The following PCSK6 variants were observed in gnomAD, a reference collection of about 807,000 sequenced individuals.
The protein encoded by PCSK6 is paired basic amino acid cleaving enzyme 4.
A neutral mutation model predicts 123.3 loss-of-function variants in PCSK6; 85 were observed. The observed-to-expected ratio is 0.69, with a 90% CI of 0.58 to 0.83. The LOEUF (loss-of-function observed/expected upper bound fraction) is 0.83. Among genes scored for constraint, PCSK6 ranks in the 40% least tolerant of loss-of-function variants. The pLI is 0.00. For synonymous variants in PCSK6, 508 were observed against 516.0 expected, an observed-to-expected ratio of 0.98 and a Z score of 0.21; for missense variants, 1,191 against 1,282.3, an observed-to-expected ratio of 0.93 and a Z score of 1.09.
intron 10 of PCSK6, 159 bp downstream of exon 10, chr15:101,384,163 A>G (rs2041990687): frequency 7.0e-7 from 1 of 1,425,512 alleles, no homozygotes; most frequent in Middle Eastern, 2.0e-4. Flanking sequence ...CTTCCGGGAT[A>G]CTTTTCTTAA....
At chr15:101,451,858 C>T (rs546153485) in intron 1 of PCSK6, among the ~76,000 whole-genome samples, 11 of 152,080 alleles carry the variant, frequency 7.2e-5, no homozygotes, top group East Asian at 3.9e-4. Context: ...TAGTGACTTC[C>T]GCCTGAAAAA....
chr15:101,400,928 A>C lies in PCSK6; in HGVS notation c.824-2352T>G, dbSNP rs183904521. Reference sequence around the variant, plus strand: ...AGGTTTCCCTAAGGTTTTCCCCTTAATATATGCCCTGAAATTTCCCAGGCA... The same window carrying C: ...AGGTTTCCCTAAGGTTTTCCCCTTACTATATGCCCTGAAATTTCCCAGGCA... On this transcript the variant is annotated intron_variant, in intron 6 of 21. Transcript: ENST00000611716. 4.2e-3 allele frequency among the ~76,000 whole-genome samples: 640 copies of C among 152,292 alleles called. 8 individuals carry two copies. The highest frequency in any genetic ancestry group is 0.013 in the African/African-American group (552 of 41,538).
chr15:101,354,099 C>T (rs564767738), intron 13 of PCSK6, among the ~76,000 whole-genome samples: 41 of 152,218 alleles, frequency 2.7e-4, no homozygotes, highest in African/African-American at 6.7e-4. Context: ...AGAAGCAGGC[C>T]GCTCTAGAGC....
chr15:101,309,937 C>T (rs2039815625), intron 20 of PCSK6, among the ~76,000 whole-genome samples: 1 of 152,254 alleles, frequency 6.6e-6, no homozygotes, highest in African/African-American at 2.4e-5. Context: ...CGGGCCTCGG[C>T]TTCCACCTGC....
intron 1 of PCSK6, among the ~76,000 whole-genome samples, chr15:101,455,273 A>G (rs2057149866): frequency 3.3e-5 from 5 of 152,224 alleles, no homozygotes; most frequent in Admixed American, 3.3e-4. Context: ...TGGAGGCCTG[A>G]GAGGGAGAAG....
intron 15 of PCSK6, among the ~76,000 whole-genome samples, chr15:101,328,372 CG>C (rs2141365895): frequency 6.6e-6 from 1 of 152,260 alleles, no homozygotes; most frequent in Non-Finnish European, 1.5e-5. Flanking sequence ...GAATGGGAGA[CG>C]GGCGGGCAGG....
chr15:101,390,115 G>A (rs567187421), intron 8 of PCSK6, among the ~76,000 whole-genome samples: 1 of 74,092 alleles, frequency 1.3e-5, no homozygotes. Context: ...TCCTGAAGAA[G>A]CAGATCAACC....
At chr15:101,467,364 C>T (rs1360909944) in intron 1 of PCSK6, among the ~76,000 whole-genome samples, 1 of 152,010 alleles carries the variant, frequency 6.6e-6, no homozygotes, top group Non-Finnish European at 1.5e-5. Context: ...CCTCTGCCTC[C>T]CAGTTCAAGC....
intron 1 of PCSK6, among the ~76,000 whole-genome samples, chr15:101,464,148 C>G (rs1303276815): frequency 6.6e-6 from 1 of 152,108 alleles, no homozygotes; most frequent in East Asian, 1.9e-4. Context: ...CAAAGCCTTC[C>G]CAGGCTGCTC....
intron 8 of PCSK6, among the ~76,000 whole-genome samples, chr15:101,392,891 C>T (rs1405197019): frequency 6.6e-6 from 1 of 152,092 alleles, no homozygotes; most frequent in African/African-American, 2.4e-5. Flanking sequence ...AGACATGTGA[C>T]CACAGAATTT....
rs149902723 is a variant in PCSK6, at chr15:101,412,691, T to TTATATATATATATATATATATA, written c.824-14137_824-14116dup. Among the ~76,000 whole-genome samples, 880 of 124,108 alleles carry TTATATATATATATATATATATA rather than the reference T, an allele frequency of 7.1e-3. 17 individuals are homozygous for TTATATATATATATATATATATA. The highest frequency in any genetic ancestry group is 0.014 in the African/African-American group (393 of 28,648). 81.4% of individuals were successfully genotyped at this position (124,108 alleles called of 152,430 possible). On this transcript the variant is annotated intron_variant, in intron 6 of 21. Transcript: ENST00000611716. ...ACAGAAGAAAGAGTGAACTGGAAAA[T>TTATATATATATATATATATATA]TATATATATATATATATATATAAAA...
At chr15:101,453,040 C>A (rs575301131) in intron 1 of PCSK6, among the ~76,000 whole-genome samples, 2 of 152,302 alleles carry the variant, frequency 1.3e-5, no homozygotes, top group Admixed American at 6.5e-5. Flanking sequence ...GGTAACCAGA[C>A]CTTTTAGCCC....
At chr15:101,368,380 T>C (rs1331971297) in intron 12 of PCSK6, among the ~76,000 whole-genome samples, 1 of 152,190 alleles carries the variant, frequency 6.6e-6, no homozygotes, top group Non-Finnish European at 1.5e-5. Context: ...GTGCCAGGGA[T>C]ACATATATTA....
intron 13 of PCSK6, among the ~76,000 whole-genome samples, chr15:101,336,438 G>A (rs1470877511): frequency 3.3e-5 from 5 of 152,208 alleles, no homozygotes; most frequent in Admixed American, 6.5e-5. Context: ...CACGTCACAT[G>A]TCACACGTCA....
intron 13 of PCSK6, among the ~76,000 whole-genome samples, chr15:101,355,571 T>C (rs1306383755): frequency 6.6e-6 from 1 of 152,184 alleles, no homozygotes; most frequent in Non-Finnish European, 1.5e-5. Context: ...GAAACACCCC[T>C]CACACCCATG....
chr15:101,422,900 C>T (rs1246755467), intron 6 of PCSK6, among the ~76,000 whole-genome samples: 4 of 152,320 alleles, frequency 2.6e-5, no homozygotes, highest in South Asian at 2.1e-4. Context: ...GGATTACAGG[C>T]GTGAGCCACC....
intron 7 of PCSK6, among the ~76,000 whole-genome samples, chr15:101,394,403 C>A (rs1451360159): frequency 6.6e-6 from 1 of 152,168 alleles, no homozygotes; most frequent in Non-Finnish European, 1.5e-5. Flanking sequence ...TCTGACCACA[C>A]TGAGAATCAT....
intron 18 of PCSK6, among the ~76,000 whole-genome samples, chr15:101,320,393 T>A (rs1373398630): frequency 6.6e-6 from 1 of 152,224 alleles, no homozygotes; most frequent in Non-Finnish European, 1.5e-5. Flanking sequence ...GCCTGAGCTA[T>A]ATATTTATTA....
chr15:101,469,104 G>GT (rs1408053626), intron 1 of PCSK6, among the ~76,000 whole-genome samples: 2 of 152,048 alleles, frequency 1.3e-5, no homozygotes, highest in Non-Finnish European at 2.9e-5. Context: ...AGAAACACGT[G>GT]TTTTTTTAGG....
Sources: gnomAD v4.1 joint callset for allele counts (sites outside exome capture counted in the v4.1 genomes callset) on GRCh38, gnomAD v4.1.1 for gene constraint, MANE v1.5 for transcripts, NCBI Gene and HGNC (gene_info 2026-07-23, HGNC 2026-07-21) for gene names.